Variants in PTPN4 observed in about 807,000 individuals in gnomAD.
PTPN4 encodes protein tyrosine phosphatase non-receptor type 4, also known as tyrosine-protein phosphatase non-receptor type 4.
In PTPN4, 49 loss-of-function variants were observed where a neutral mutation model predicts 135.5. The observed-to-expected ratio is 0.36, with a 90% CI of 0.29 to 0.46. The LOEUF (loss-of-function observed/expected upper bound fraction) is 0.46, where lower values mean the gene tolerates loss of function less well. Ranked by LOEUF, PTPN4 falls within the 20% of genes least tolerant of loss-of-function variation. The pLI, the probability that PTPN4 is intolerant of heterozygous loss-of-function variation, is 1.00. For missense variants in PTPN4, 860 were observed against 1,101.0 expected (o/e 0.78, Z 3.10); for synonymous variants, 333 against 369.9 (o/e 0.90, Z 1.14).
intron 2 of PTPN4, among the ~76,000 whole-genome samples, chr2:119,838,663 GT>G (rs1157523989): frequency 3.3e-5 from 5 of 152,158 alleles, no homozygotes; most frequent in African/African-American, 1.2e-4. Context: ...CAGTAAATTA[GT>G]TTCTCTGTAG....
At chr2:119,785,016 T>C (rs1378869053) in intron 1 of PTPN4, among the ~76,000 whole-genome samples, 1 of 152,166 alleles carries the variant, frequency 6.6e-6, no homozygotes, top group Non-Finnish European at 1.5e-5. Flanking sequence ...AACAGTAGAT[T>C]AGAGTTTCTC....
At chr2:119,928,798 A>G (rs1678861172) in intron 13 of PTPN4, among the ~76,000 whole-genome samples, 2 of 152,116 alleles carry the variant, frequency 1.3e-5, no homozygotes, top group African/African-American at 4.8e-5. Flanking sequence ...AACAGTGTAG[A>G]ACGTGCGATG....
Position 119,879,194 on chromosome 2 carries a change from A to G in PTPN4, c.368+1652A>G, listed in dbSNP as rs531961710. ...AATATTGTCAGTTAAAACTATGTTT[A>G]TAATGTACTTCACTTGAAAAACTGT... is the stretch of plus-strand genomic sequence containing the variant. On this transcript the variant is annotated intron_variant, in intron 5 of 26. Transcript: ENST00000263708. Among the ~76,000 whole-genome samples the G allele has an allele frequency of 2.0e-5, 3 of 152,252 alleles. No homozygotes were observed. In the South Asian group the frequency reaches 6.2e-4, roughly 32 times the overall value.
chr2:119,877,903 T>TC lies in PTPN4; in HGVS notation c.368+364dup, dbSNP rs1175602690. Among the ~76,000 whole-genome samples, 13 of 150,686 alleles carry TC rather than the reference T, an allele frequency of 8.6e-5. No homozygotes were observed. The East Asian group carries it at 2.3e-3, about 27-fold the overall frequency. On this transcript the variant is annotated intron_variant, in intron 5 of 26. Coordinates refer to ENST00000263708, the MANE Select transcript of PTPN4 (RefSeq NM_002830.4). ...TGGTGAGAAATTTGGGTTTTTTTTTTCCCATGTGAAAGCATATTCTAGTAT... is the reference window on the plus strand; with the variant it reads ...TGGTGAGAAATTTGGGTTTTTTTTTTCCCCATGTGAAAGCATATTCTAGTAT...
chr2:119,898,644 T>G (rs1678359136), intron 9 of PTPN4, among the ~76,000 whole-genome samples: 1 of 152,184 alleles, frequency 6.6e-6, no homozygotes, highest in African/African-American at 2.4e-5. Flanking sequence ...AGTACAGTAT[T>G]AATAAGTGAT....
At chr2:119,976,872 T>G in intron 26 of PTPN4, 112 bp from the exon 27 acceptor site, 1 of 1,484,316 alleles carries the variant, frequency 6.7e-7, no homozygotes, top group Non-Finnish European at 8.9e-7. Context: ...GCAGTTTTGT[T>G]TTGCATTTTT....
chr2:119,857,090 T>A (rs1677691188), intron 2 of PTPN4, among the ~76,000 whole-genome samples: 2 of 151,548 alleles, frequency 1.3e-5, no homozygotes, highest in East Asian at 3.9e-4. Context: ...TATTTTTAAA[T>A]TTTTTTTTAT....
At chr2:119,869,698 G>C (rs541947594) in intron 3 of PTPN4, among the ~76,000 whole-genome samples, 43 of 152,274 alleles carry the variant, frequency 2.8e-4, no homozygotes, top group Admixed American at 2.8e-3. Context: ...TGCAGTTTTT[G>C]TTTTTCAAGA....
At chr2:119,775,562 A>G (rs1690820258) in intron 1 of PTPN4, among the ~76,000 whole-genome samples, 1 of 152,204 alleles carries the variant, frequency 6.6e-6, no homozygotes. Flanking sequence ...TTTAGGGCTC[A>G]TTACACATGA....
chr2:119,831,442 C>T (rs1320677991), intron 2 of PTPN4, among the ~76,000 whole-genome samples: 1 of 152,072 alleles, frequency 6.6e-6, no homozygotes, highest in Non-Finnish European at 1.5e-5. Context: ...TTTTTTGTTC[C>T]AATGTCTACC....
At chr2:119,921,676 T>C (rs1169125682) in intron 12 of PTPN4, among the ~76,000 whole-genome samples, 1 of 151,904 alleles carries the variant, frequency 6.6e-6, no homozygotes, top group African/African-American at 2.4e-5. Context: ...ATGACAGTAC[T>C]TGCAAATTTA....
intron 13 of PTPN4, among the ~76,000 whole-genome samples, chr2:119,928,813 C>CACTA (rs1446076220): frequency 1.3e-5 from 2 of 151,882 alleles, no homozygotes; most frequent in Admixed American, 1.3e-4. Flanking sequence ...GCGATGTGGT[C>CACTA]ACTAGTTGTA....
rs564747747 is a variant in PTPN4 at position 119,925,427 on chromosome 2, C to T, written c.1002-1171C>T. Among the ~76,000 whole-genome samples the T allele has an allele frequency of 4.6e-5, 7 of 152,282 alleles. No individual in the cohort carries two copies. The East Asian group carries it at 9.6e-4, about 21-fold the overall frequency. The stretch of plus-strand genomic sequence containing the variant: ...TATAGTTTTAAAAAGTTAAGCTTTG[C>T]GTTTGTAGTCCTTAAGAACTTTAAA... On this transcript the variant is annotated intron_variant, in intron 12 of 26. Coordinates refer to ENST00000263708, the MANE Select transcript of PTPN4 (RefSeq NM_002830.4).
At chr2:119,850,009 G>T (rs1275962739) in intron 2 of PTPN4, among the ~76,000 whole-genome samples, 4 of 152,220 alleles carry the variant, frequency 2.6e-5, no homozygotes, top group Non-Finnish European at 5.9e-5. Flanking sequence ...TCTGACTCTA[G>T]GAGGGTTCTT....
chr2:119,902,763 T>G (rs889352605), intron 10 of PTPN4, among the ~76,000 whole-genome samples: 1 of 152,184 alleles, frequency 6.6e-6, no homozygotes, highest in Non-Finnish European at 1.5e-5. Flanking sequence ...TAGTTCACAT[T>G]TGCACCAAAG....
chr2:119,900,692 C>A (rs760452064), intron 9 of PTPN4, 26 bp from the exon 10 acceptor site: 2 of 1,362,396 alleles, frequency 1.5e-6, no homozygotes, highest in South Asian at 1.4e-5. Flanking sequence ...TTAGATTTAT[C>A]ATGTTTTTAT....
chr2:119,811,876 A>G (rs1676885926), intron 2 of PTPN4, among the ~76,000 whole-genome samples: 1 of 151,828 alleles, frequency 6.6e-6, no homozygotes, highest in Non-Finnish European at 1.5e-5. Context: ...CATATATATT[A>G]ATGTACTTTT....
chr2:119,842,425 T>C (rs1036282741), intron 2 of PTPN4, among the ~76,000 whole-genome samples: 2 of 152,132 alleles, frequency 1.3e-5, no homozygotes, highest in African/African-American at 4.8e-5. Context: ...CATATAAAAG[T>C]AGAAAGAATT....
intron 15 of PTPN4, among the ~76,000 whole-genome samples, chr2:119,938,349 G>A (rs1330187747): frequency 3.3e-5 from 5 of 151,690 alleles, no homozygotes; most frequent in Non-Finnish European, 5.9e-5. Flanking sequence ...GGATAGTCTC[G>A]ATCTCCTGAC....
Sources: gnomAD v4.1 joint callset for allele counts (sites outside exome capture counted in the v4.1 genomes callset) on GRCh38, gnomAD v4.1.1 for gene constraint, MANE v1.5 for transcripts, NCBI Gene and HGNC (gene_info 2026-07-23, HGNC 2026-07-21) for gene names.